The following TMX4 variants were observed in gnomAD, a reference collection of about 807,000 sequenced individuals.
The protein encoded by TMX4 is thioredoxin related transmembrane protein 4, also known as thioredoxin-related transmembrane protein 4.
In TMX4, 23 loss-of-function variants were observed where a neutral mutation model predicts 33.3. The ratio of observed to expected loss-of-function variants is 0.69; its 90% CI spans 0.50 to 0.98. The LOEUF (loss-of-function observed/expected upper bound fraction) is 0.98. TMX4 is among the 50% of genes least tolerant of loss of function. The pLI is 0.00. For missense variants in TMX4, 399 were observed against 448.9 expected (o/e 0.89, Z 1.01); for synonymous variants, 164 against 161.5 (o/e 1.02, Z -0.12).
intron 5 of TMX4, among the ~76,000 whole-genome samples, chr20:7,993,554 T>C (rs939748246): frequency 2.0e-5 from 3 of 152,094 alleles, no homozygotes; most frequent in Non-Finnish European, 4.4e-5. Context: ...AGAGACCTGA[T>C]GGGTAGCCAA....
In TMX4 at chr20:7,982,107, C is replaced by T. The variant is rs563519858; in HGVS notation, c.*144G>A. The T allele has an allele frequency of 6.5e-5, 53 of 809,984 alleles. No individual in the cohort carries two copies. The highest frequency in any genetic ancestry group is 7.2e-4 in the Middle Eastern group (2 of 2,770). The allele number at this position is 809,984 out of a possible 1,614,324, so 50.2% of individuals were successfully genotyped here. A position where few individuals can be genotyped will look rare whatever the true frequency, so the allele number is the denominator to read the frequency against. On this transcript the variant is annotated 3_prime_UTR_variant, in exon 8 of 8. Coordinates refer to ENST00000246024, the MANE Select transcript of TMX4 (RefSeq NM_021156.4). Reference sequence around the variant, plus strand: ...CTCTCCTTAGTATACATGAGGCTTACTGCCATGAGACCAAATGACTAGAGA... The same window carrying T: ...CTCTCCTTAGTATACATGAGGCTTATTGCCATGAGACCAAATGACTAGAGA...
chr20:7,982,672 G>T (rs754082136), intron 7 of TMX4, 51 bp from the exon 8 acceptor site: 2 of 1,529,844 alleles, frequency 1.3e-6, no homozygotes, highest in Admixed American at 2.0e-5. Flanking sequence ...TGGTAATTCG[G>T]TAATCAATTG....
intron 1 of TMX4, chr20:8,018,850 A>G: frequency 3.9e-6 from 1 of 258,956 alleles, no homozygotes. Context: ...AAAATTTAAA[A>G]GGCATCCATA....
At position 7,985,363 on chromosome 20, in the gene TMX4, T is replaced by TC. The variant is rs929621609; in HGVS notation, c.616-1507dup. On this transcript the variant is annotated intron_variant, in intron 6 of 7. Coordinates refer to ENST00000246024, the MANE Select transcript of TMX4 (RefSeq NM_021156.4). ...ATTATGGCTCACAGCAGCCTCGAAC[T>TC]CCTGGGCTCAAGTGATCCTCCCACC... is the stretch of plus-strand genomic sequence containing the variant. Among the ~76,000 whole-genome samples, 89 of 150,840 alleles carry TC rather than the reference T, an allele frequency of 5.9e-4. 1 individual carries two copies. The Middle Eastern group carries it at 0.017, about 29-fold the overall frequency.
chr20:8,004,344 T>A (rs2050718941), intron 2 of TMX4, among the ~76,000 whole-genome samples: 1 of 152,194 alleles, frequency 6.6e-6, no homozygotes, highest in Admixed American at 6.5e-5. Flanking sequence ...TAAATGTGGA[T>A]CTTGACAAAG....
Position 7,977,643 on chromosome 20 carries a change from A to G in TMX4, c.*4608T>C, listed in dbSNP as rs1041768109. The G allele has an allele frequency of 6.6e-6, 1 of 152,254 alleles. No homozygotes were observed. The highest frequency in any genetic ancestry group is 1.5e-5 in the Non-Finnish European group (1 of 68,046). The allele number at this position is 152,254 out of a possible 1,614,324, so 9.4% of individuals were successfully genotyped here. A position where few individuals can be genotyped will look rare whatever the true frequency, so the allele number is the denominator to read the frequency against. On this transcript the variant is annotated 3_prime_UTR_variant, in exon 8 of 8. Transcript: ENST00000246024. The stretch of plus-strand genomic sequence containing the variant: ...GCAGATGCTATTTGAGGAAGCAAAG[A>G]ATACAGAAAGAAAAATAATTAGGTT...
chr20:7,987,326 C>T lies in TMX4; in HGVS notation c.577G>A (p.Val193Ile), dbSNP rs149712696. ...AGGCCAAAAACCAAGGTGGCTATGACGAAAAAGACATAAGAACACCAAGCA... is the reference window on the plus strand; with the variant it reads ...AGGCCAAAAACCAAGGTGGCTATGATGAAAAAGACATAAGAACACCAAGCA... The part of the protein sequence containing the change: ...IPAWCSYVFF[V>I]IATLVFGLFM... The change falls in exon 6 of 8, where the codon GTC becomes ATC. Residue 193 changes from valine (V) to isoleucine (I), a missense_variant. By Grantham distance (29) the Val-to-Ile change is conservative. Transcript: ENST00000246024. The T allele has an allele frequency of 1.2e-4, 198 of 1,593,168 alleles. No homozygotes were observed. In the South Asian group the frequency reaches 1.8e-3, roughly 15 times the overall value.
At chr20:8,011,706 T>C (rs1163057255) in intron 1 of TMX4, among the ~76,000 whole-genome samples, 2 of 152,014 alleles carry the variant, frequency 1.3e-5, no homozygotes, top group African/African-American at 4.8e-5. Context: ...TTCATTACTT[T>C]CTCCAGACAG....
rs2050592107 is a variant in TMX4, at chr20:7,978,724, C to T, written c.*3527G>A. 6.6e-6 allele frequency: 1 copy of T among 152,184 alleles called. No individual in the cohort carries two copies. The highest frequency in any genetic ancestry group is 2.4e-5 in the African/African-American group (1 of 41,450). The allele number at this position is 152,184 out of a possible 1,614,324, so 9.4% of individuals were successfully genotyped here. ...CATGCAGTGCAAGGCCCTGTGAACCCAACAGGCCCTGTCCCTCATCCCATC... is the reference window on the plus strand; with the variant it reads ...CATGCAGTGCAAGGCCCTGTGAACCTAACAGGCCCTGTCCCTCATCCCATC... On this transcript the variant is annotated 3_prime_UTR_variant, in exon 8 of 8. Transcript: ENST00000246024.
intron 7 of TMX4, among the ~76,000 whole-genome samples, chr20:7,983,368 G>C (rs776091138): frequency 5.3e-5 from 8 of 152,108 alleles, no homozygotes; most frequent in Non-Finnish European, 1.2e-4. Context: ...AAAATAGTCT[G>C]GAATAAAGAC....
intron 5 of TMX4, among the ~76,000 whole-genome samples, chr20:7,994,290 T>C (rs535126504): frequency 5.3e-5 from 8 of 152,314 alleles, no homozygotes; most frequent in Non-Finnish European, 8.8e-5. Context: ...TATTCAGACA[T>C]GGATCACATT....
intron 4 of TMX4, among the ~76,000 whole-genome samples, chr20:7,998,319 T>A (rs1268302455): frequency 6.6e-6 from 1 of 152,214 alleles, no homozygotes; most frequent in Admixed American, 6.5e-5. Flanking sequence ...AGATCCATCA[T>A]GTACTCAAAC....
intron 5 of TMX4, among the ~76,000 whole-genome samples, chr20:7,987,663 G>A (rs2050636806): frequency 6.6e-6 from 1 of 152,032 alleles, no homozygotes; most frequent in African/African-American, 2.4e-5. Context: ...CCATCATGAT[G>A]GATGCTTTTG....
intron 2 of TMX4, among the ~76,000 whole-genome samples, chr20:8,004,331 A>C (rs1249999127): frequency 6.6e-6 from 1 of 152,224 alleles, no homozygotes; most frequent in Non-Finnish European, 1.5e-5. Flanking sequence ...AATAACATTA[A>C]GTTAAATGTG....
At position 7,987,359 on chromosome 20, in the gene TMX4, C is replaced by A. The variant is rs1460075768; in HGVS notation, c.544G>T (p.Gly182Ter). The A allele has an allele frequency of 6.3e-7, 1 of 1,593,526 alleles. No individual in the cohort carries two copies. ...ACATAAGAACACCAAGCAGGAATTC[C>A]AAGAGTCACTGTGAAATAGTTGTGA... is the stretch of plus-strand genomic sequence containing the variant. ...HLHNYFTVTLGIPAWCSYVFF... is the reference protein window; with the variant it reads ...HLHNYFTVTL Residue 182 changes from glycine (G) to a stop codon, truncating the protein, a stop_gained, in exon 6 of 8, where the codon GGA becomes TGA. Transcript: ENST00000246024. LOFTEE classifies it high-confidence loss of function.
intron 1 of TMX4, among the ~76,000 whole-genome samples, chr20:8,011,671 G>C (rs1380561069): frequency 2.0e-5 from 3 of 152,208 alleles, no homozygotes; most frequent in African/African-American, 7.2e-5. Context: ...ACCCAGAAGA[G>C]AATGGACTAC....
rs1400597345 is a variant in TMX4 at position 7,980,140 on chromosome 20, A to G, written c.*2111T>C. On this transcript the variant is annotated 3_prime_UTR_variant, in exon 8 of 8. Coordinates refer to ENST00000246024, the MANE Select transcript of TMX4 (RefSeq NM_021156.4). Reference sequence around the variant, plus strand: ...TGGAACGGAATGTTCAACCTGTACTATTTGGGGTCCGGTTGGAAATTGGCT... The same window carrying G: ...TGGAACGGAATGTTCAACCTGTACTGTTTGGGGTCCGGTTGGAAATTGGCT... 3 of 152,122 alleles carry G rather than the reference A, an allele frequency of 2.0e-5. No homozygotes were observed. The highest frequency in any genetic ancestry group is 7.2e-5 in the African/African-American group (3 of 41,436). The allele number at this position is 152,122 out of a possible 1,614,324, so 9.4% of individuals were successfully genotyped here.
At chr20:7,997,098 T>C (rs2050679671) in intron 4 of TMX4, among the ~76,000 whole-genome samples, 1 of 152,168 alleles carries the variant, frequency 6.6e-6, no homozygotes, top group Non-Finnish European at 1.5e-5. Flanking sequence ...ACCTTGGTTT[T>C]CATGTTGCCT....
chr20:7,997,748 C>A (rs114511973), intron 4 of TMX4, among the ~76,000 whole-genome samples: 4 of 152,196 alleles, frequency 2.6e-5, no homozygotes, highest in African/African-American at 7.2e-5. Flanking sequence ...CACCTCTCTG[C>A]GCAAAAATAA....
Sources: gnomAD v4.1 joint callset for allele counts (sites outside exome capture counted in the v4.1 genomes callset) on GRCh38, gnomAD v4.1.1 for gene constraint, MANE v1.5 for transcripts, NCBI Gene and HGNC (gene_info 2026-07-23, HGNC 2026-07-21) for gene names.